The following SNX30 variants were observed in gnomAD, a reference collection of about 807,000 sequenced individuals.
SNX30 encodes the protein sorting nexin-30.
In SNX30, 24 loss-of-function variants were observed where a neutral mutation model predicts 46.4. The observed-to-expected ratio is 0.52, with a 90% CI of 0.37 to 0.73. SNX30 has a LOEUF of 0.73. SNX30 is among the 30% of genes least tolerant of loss of function. SNX30 has a pLI of 0.00. For synonymous variants in SNX30, 189 were observed against 211.5 expected (o/e 0.89, Z 0.92); for missense variants, 533 against 555.7 (o/e 0.96, Z 0.41).
chr9:112,852,193 T>C (rs751297681), intron 7 of SNX30, among the ~76,000 whole-genome samples: 15 of 151,922 alleles, frequency 9.9e-5, no homozygotes, highest in Non-Finnish European at 2.1e-4. Context: ...CAGTGTGTTA[T>C]GATTGCGCCT....
intron 1 of SNX30, among the ~76,000 whole-genome samples, chr9:112,793,842 T>C (rs1429403538): frequency 6.6e-6 from 1 of 150,624 alleles, no homozygotes; most frequent in African/African-American, 2.4e-5. Flanking sequence ...GTTAAATTAG[T>C]ATCTGGAGGG....
chr9:112,859,091 C>A (rs768437206), intron 7 of SNX30, among the ~76,000 whole-genome samples: 29 of 151,996 alleles, frequency 1.9e-4, no homozygotes, highest in Non-Finnish European at 2.5e-4. Flanking sequence ...CTCTCCATTC[C>A]CCCTCCTGCC....
At position 112,850,958 on chromosome 9, in the gene SNX30, A is replaced by G; in HGVS notation, c.1101+13A>G. The G allele has an allele frequency of 6.2e-7, 1 of 1,610,262 alleles. No individual in the cohort carries two copies. The highest frequency in any genetic ancestry group is 1.1e-5 in the South Asian group (1 of 90,962). On this transcript the variant is annotated intron_variant, in intron 7 of 8. Coordinates refer to ENST00000374232, the MANE Select transcript of SNX30 (RefSeq NM_001012994.2). ...AGACCGCCCCAAGGTCAGGGAAGCC[A>G]CCTGGGAAGGGCTGCAAAGCTGTAG...
intron 2 of SNX30, among the ~76,000 whole-genome samples, chr9:112,812,318 C>T (rs1027003910): frequency 2.0e-5 from 3 of 152,058 alleles, no homozygotes; most frequent in Non-Finnish European, 2.9e-5. Flanking sequence ...TGTAGTGATG[C>T]GATCTCGGCT....
chr9:112,843,017 G>A (rs1357083972), intron 6 of SNX30, among the ~76,000 whole-genome samples: 7 of 152,208 alleles, frequency 4.6e-5, no homozygotes, highest in Non-Finnish European at 1.5e-5. Flanking sequence ...TATAAACTGT[G>A]TGTGTATAAT....
At chr9:112,848,571 T>C (rs1472437409) in intron 6 of SNX30, among the ~76,000 whole-genome samples, 1 of 152,192 alleles carries the variant, frequency 6.6e-6, no homozygotes, top group East Asian at 1.9e-4. Context: ...CTTAGTCTCC[T>C]CATCTGTAGA....
Position 112,869,852 on chromosome 9 carries a change from C to T in SNX30, c.*1009C>T, listed in dbSNP as rs886925933. The T allele has an allele frequency of 2.6e-5, 4 of 152,056 alleles. No homozygotes were observed. Among genetic ancestry groups the T allele is most frequent in the Middle Eastern group, 3.2e-3 (1 of 316 alleles). 9.4% of individuals were successfully genotyped at this position (152,056 alleles called of 1,614,324 possible). The stretch of plus-strand genomic sequence containing the variant: ...CTCCTGTGTCCTCTGAATGTCTGGG[C>T]GAGCTTTTGGTGAGAGGGCTGGTAT... On this transcript the variant is annotated 3_prime_UTR_variant, in exon 9 of 9. Transcript: ENST00000374232.
chr9:112,836,459 A>C (rs766000221), intron 5 of SNX30, 50 bp downstream of exon 5: 1 of 1,544,982 alleles, frequency 6.5e-7, no homozygotes, highest in South Asian at 1.2e-5. Context: ...ACATTGGCAG[A>C]AATGCCATTC....
intron 6 of SNX30, among the ~76,000 whole-genome samples, chr9:112,848,398 G>A (rs1840972049): frequency 6.6e-6 from 1 of 152,144 alleles, no homozygotes; most frequent in African/African-American, 2.4e-5. Flanking sequence ...GGTGGTGGTA[G>A]TCAGCAGTTT....
rs1037295217 is a variant in SNX30, at chr9:112,791,647, G to A, written c.157-13129G>A. Among the ~76,000 whole-genome samples, 4 of 151,924 alleles carry A rather than the reference G, an allele frequency of 2.6e-5. 1 individual carries two copies. Among genetic ancestry groups the A allele is most frequent in the African/African-American group, 9.7e-5 (4 of 41,378 alleles). Reference sequence around the variant, plus strand: ...GGCTGGTTTCAATCTTTGACCTCGTGATCCACCCGCCTTGGCCTCTCAAAG... The same window carrying A: ...GGCTGGTTTCAATCTTTGACCTCGTAATCCACCCGCCTTGGCCTCTCAAAG... On this transcript the variant is annotated intron_variant, in intron 1 of 8. Transcript: ENST00000374232.
chr9:112,881,192 C>A (rs1465194994), intron 5 of SNX30, among the ~76,000 whole-genome samples: 2 of 152,198 alleles, frequency 1.3e-5, no homozygotes, highest in African/African-American at 4.8e-5. Context: ...ACCTCTGGCA[C>A]CCTGGGCTTT....
In SNX30 at chr9:112,795,062, C is replaced by A. The variant is rs538092309; in HGVS notation, c.157-9714C>A. The stretch of plus-strand genomic sequence containing the variant: ...TAAGAAAATATATTTGAGGCCCCAA[C>A]TGTGGGTCTCAATGCAATTTTTATT... On this transcript the variant is annotated intron_variant, in intron 1 of 8. Coordinates refer to ENST00000374232, the MANE Select transcript of SNX30 (RefSeq NM_001012994.2). Among the ~76,000 whole-genome samples the A allele has an allele frequency of 1.1e-4, 17 of 152,250 alleles. No homozygotes were observed. In the South Asian group the frequency reaches 3.5e-3, roughly 32 times the overall value.
downstream of SNX30, among the ~76,000 whole-genome samples, chr9:112,876,149 C>T (rs1841514516): frequency 6.6e-6 from 1 of 151,848 alleles, no homozygotes; most frequent in South Asian, 2.1e-4. Context: ...GATTGAAGGC[C>T]TGAAGAATGG....
At chr9:112,856,670 A>G (rs1338667262) in intron 7 of SNX30, 1 of 152,114 alleles carries the variant, frequency 6.6e-6, no homozygotes, top group Non-Finnish European at 1.5e-5. Context: ...AATGTTCTAG[A>G]ATGGGAAAGA....
upstream of SNX30, among the ~76,000 whole-genome samples, chr9:112,750,679 C>A (rs1839250988): frequency 6.6e-6 from 1 of 151,384 alleles, no homozygotes; most frequent in South Asian, 2.1e-4. Flanking sequence ...CCCCGCCCTC[C>A]CCGCCCCCTC....
intron 1 of SNX30, among the ~76,000 whole-genome samples, chr9:112,751,939 C>T (rs1259434000): frequency 6.6e-6 from 1 of 152,138 alleles, no homozygotes; most frequent in Non-Finnish European, 1.5e-5. Context: ...CTCCTCCCTA[C>T]CCCCATGGCC....
At chr9:112,796,215 T>C (rs1235799831) in intron 1 of SNX30, among the ~76,000 whole-genome samples, 1 of 152,254 alleles carries the variant, frequency 6.6e-6, no homozygotes, top group African/African-American at 2.4e-5. Flanking sequence ...CTTTTTCTTT[T>C]GTGCAGTGTC....
chr9:112,865,226 A>G (rs1269044468), intron 8 of SNX30, among the ~76,000 whole-genome samples: 1 of 91,490 alleles, frequency 1.1e-5, no homozygotes, highest in African/African-American at 4.3e-5. Flanking sequence ...CTCACACACA[A>G]CCCCCACACA....
At chr9:112,755,661 A>G (rs1839337018) in intron 1 of SNX30, among the ~76,000 whole-genome samples, 1 of 151,602 alleles carries the variant, frequency 6.6e-6, no homozygotes, top group African/African-American at 2.4e-5. Flanking sequence ...CTGAATGCAA[A>G]CTAGATAGAG....
Sources: allele counts gnomAD v4.1 joint callset (sites outside exome capture counted in the v4.1 genomes callset), GRCh38; gene constraint gnomAD v4.1.1; transcripts MANE v1.5; gene names NCBI Gene and HGNC (gene_info 2026-07-23, HGNC 2026-07-21).